Variants in FRY observed in about 807,000 individuals in gnomAD.
FRY encodes the protein protein furry homolog.
A neutral mutation model predicts 348.4 loss-of-function variants in FRY; 128 were observed. The observed-to-expected ratio is 0.37, with a 90% CI of 0.32 to 0.43. FRY has a LOEUF of 0.43. Among genes scored for constraint, FRY ranks in the 20% least tolerant of loss-of-function variants. The pLI, the probability that FRY is intolerant of heterozygous loss-of-function variation, is 1.00. For missense variants in FRY, 2,736 were observed against 3,695.2 expected (o/e 0.74, Z 6.73); for synonymous variants, 1,370 against 1,374.7 (o/e 1.00, Z 0.08).
intron 40 of FRY, among the ~76,000 whole-genome samples, chr13:32,230,286 A>G (rs997964432): frequency 3.9e-5 from 6 of 152,172 alleles, no homozygotes; most frequent in Non-Finnish European, 5.9e-5. Flanking sequence ...TGTTCTCACA[A>G]TTCAGCTCCC....
intron 38 of FRY, among the ~76,000 whole-genome samples, chr13:32,225,380 C>T (rs534497148): frequency 9.9e-5 from 15 of 152,252 alleles, no homozygotes; most frequent in South Asian, 2.1e-4. Flanking sequence ...GGATATAGGA[C>T]GGAGTGGGCC....
chr13:32,105,634 G>C (rs1199773309), intron 3 of FRY, among the ~76,000 whole-genome samples: 1 of 152,212 alleles, frequency 6.6e-6, no homozygotes, highest in Non-Finnish European at 1.5e-5. Context: ...ATATGCTGGA[G>C]ATGCCACCTT....
chr13:32,036,570 A>G (rs143183772), intron 1 of FRY, among the ~76,000 whole-genome samples: 319 of 152,264 alleles, frequency 2.1e-3, no homozygotes, highest in African/African-American at 7.2e-3. Context: ...TATAGAGGGC[A>G]ACCACAAAAT....
At chr13:32,150,137 G>A (rs1027658327) in intron 14 of FRY, among the ~76,000 whole-genome samples, 1 of 152,200 alleles carries the variant, frequency 6.6e-6, no homozygotes, top group African/African-American at 2.4e-5. Context: ...TTTTAGAAAA[G>A]TCAGTGCTTT....
At chr13:32,247,740 A>T (rs376112582) in intron 48 of FRY, among the ~76,000 whole-genome samples, 10 of 152,370 alleles carry the variant, frequency 6.6e-5, no homozygotes, top group African/African-American at 2.2e-4. Flanking sequence ...AAATGATTTT[A>T]AAAAGAGGTA....
rs1887934109 is a variant in FRY at position 32,266,495 on chromosome 13, T to G, written c.7947-675T>G. ...TTAGAAGATTCAAAATTTATATAAT[T>G]TTTCATAATGAAAAATGAAGAATGA... On this transcript the variant is annotated intron_variant, in intron 54 of 60. Coordinates refer to ENST00000542859, the MANE Select transcript of FRY (RefSeq NM_023037.3). 2.6e-5 allele frequency among the ~76,000 whole-genome samples: 4 copies of G among 152,288 alleles called. No individual in the cohort carries two copies. The South Asian group carries it at 8.3e-4, about 32-fold the overall frequency.
intron 18 of FRY, among the ~76,000 whole-genome samples, chr13:32,173,153 G>A (rs1321584031): frequency 1.3e-5 from 2 of 152,070 alleles, no homozygotes; most frequent in Non-Finnish European, 2.9e-5. Context: ...GATGGTTGAT[G>A]GTATTCCGCA....
intron 3 of FRY, among the ~76,000 whole-genome samples, chr13:32,106,825 T>G (rs2138652796): frequency 6.6e-6 from 1 of 152,312 alleles, no homozygotes; most frequent in African/African-American, 2.4e-5. Context: ...GCTAGATGTA[T>G]CCACTAGATA....
At chr13:32,074,941 T>C (rs1026660905) in intron 1 of FRY, among the ~76,000 whole-genome samples, 1 of 152,072 alleles carries the variant, frequency 6.6e-6, no homozygotes, top group Non-Finnish European at 1.5e-5. Context: ...CCCTGAAAGG[T>C]AGGAGGATTT....
intron 1 of FRY, among the ~76,000 whole-genome samples, chr13:32,036,245 G>A (rs921580041): frequency 6.6e-6 from 1 of 152,186 alleles, no homozygotes; most frequent in Non-Finnish European, 1.5e-5. Flanking sequence ...CAGATCAAGT[G>A]CAAGCATATT....
intron 42 of FRY, 88 bp from the exon 43 acceptor site, chr13:32,235,990 G>A (rs904088115): frequency 7.4e-6 from 7 of 944,702 alleles, no homozygotes; most frequent in Non-Finnish European, 1.2e-5. Context: ...TAACATTATT[G>A]GAATACAGTT....
rs1301373497 is a variant in FRY at position 32,157,475 on chromosome 13, T to G, written c.1784+70T>G. On this transcript the variant is annotated intron_variant, in intron 16 of 60. Coordinates refer to ENST00000542859, the MANE Select transcript of FRY (RefSeq NM_023037.3). The stretch of plus-strand genomic sequence containing the variant: ...AAACACAAGTAGAGAGTATTCTCAT[T>G]TATTCTGTATTTTGTTTTCATCTTC... 9.8e-6 allele frequency: 14 copies of G among 1,430,848 alleles called. No individual in the cohort carries two copies. In the Admixed American group the frequency reaches 1.0e-4, roughly 10 times the overall value. The allele number at this position is 1,430,848 out of a possible 1,614,324, so 88.6% of individuals were successfully genotyped here.
intron 59 of FRY, among the ~76,000 whole-genome samples, chr13:32,291,619 G>C (rs1015971287): frequency 1.8e-4 from 27 of 152,006 alleles, no homozygotes; most frequent in African/African-American, 6.5e-4. Flanking sequence ...TGGTCAGGCT[G>C]GTCTCAAACT....
intron 42 of FRY, among the ~76,000 whole-genome samples, chr13:32,235,485 G>A (rs567953326): frequency 4.6e-5 from 7 of 152,312 alleles, no homozygotes; most frequent in South Asian, 2.1e-4. Flanking sequence ...TTAGCTAGGC[G>A]TGGTAGCACA....
In FRY at chr13:32,237,606, G is replaced by A; in HGVS notation, c.6038G>A (p.Gly2013Asp). ...LDRIQACTQQ[G>D]LSSKTRSSSS... is the part of the protein sequence containing the mutation. ...AGAATTCAGGCTTGTACCCAACAAG[G>A]CCTCTCCTCAAAAACCAGAAGCTCA... Residue 2013 changes from glycine to aspartate, a missense_variant, in exon 44 of 61, where the codon GGC becomes GAC. By Grantham distance (94) the Gly-to-Asp change is moderately conservative (BLOSUM62 -1). Around this residue, in one of 9 missense-constraint regions of FRY, gnomAD observed 789 missense variants for 996.2 expected, o/e 0.79. Coordinates refer to ENST00000542859, the MANE Select transcript of FRY (RefSeq NM_023037.3). This position sits in a 1 kb window ranked among gnomAD's most constrained non-coding sequence, Gnocchi z 6.3. 1.9e-6 allele frequency: 3 copies of A among 1,614,044 alleles called. No individual in the cohort carries two copies. The highest frequency in any genetic ancestry group is 2.5e-6 in the Non-Finnish European group (3 of 1,180,010).
chr13:32,241,841 A>T (rs1275530532), intron 46 of FRY, among the ~76,000 whole-genome samples: 1 of 152,234 alleles, frequency 6.6e-6, no homozygotes, highest in African/African-American at 2.4e-5. Flanking sequence ...TCACCAAAAA[A>T]TTTATTATGA....
intron 46 of FRY, among the ~76,000 whole-genome samples, chr13:32,242,404 C>T (rs1010656428): frequency 3.3e-5 from 5 of 152,066 alleles, no homozygotes; most frequent in Non-Finnish European, 5.9e-5. Flanking sequence ...TAAATTTTGT[C>T]ATTCCATTTA....
At chr13:32,235,600 G>T (rs944410287) in intron 42 of FRY, among the ~76,000 whole-genome samples, 8 of 152,166 alleles carry the variant, frequency 5.3e-5, no homozygotes, top group Non-Finnish European at 1.2e-4. Flanking sequence ...TCAAGCCTGG[G>T]CAACGGAAGT....
chr13:32,274,661 G>T (rs535418196), intron 55 of FRY, among the ~76,000 whole-genome samples, 181 bp from the exon 56 acceptor site: 3 of 130,628 alleles, frequency 2.3e-5, no homozygotes, highest in Admixed American at 9.4e-5. Context: ...CCGAGATCGC[G>T]CCACTGCACT....
Sources: allele counts gnomAD v4.1 joint callset (sites outside exome capture counted in the v4.1 genomes callset), GRCh38; gene constraint gnomAD v4.1.1; regional missense constraint gnomAD v4.1.1; non-coding constraint Gnocchi (gnomAD v3.1); transcripts MANE v1.5; gene names NCBI Gene and HGNC (gene_info 2026-07-23, HGNC 2026-07-21).